TSC2: variants seen among roughly 807,000 people sequenced by gnomAD.
TSC2 encodes tuberin.
Under a neutral mutation model 202.2 loss-of-function variants are expected in TSC2, and 29 were observed. That is an observed-to-expected ratio of 0.14 (90% confidence interval 0.11 to 0.20). The LOEUF is 0.20. Ranked by LOEUF, TSC2 falls within the 10% of genes least tolerant of loss-of-function variation. The pLI is 1.00. For synonymous variants in TSC2, 1,349 were observed against 1,044.0 expected, an observed-to-expected ratio of 1.29 and a Z score of -5.63; for missense variants, 2,429 against 2,420.0, an observed-to-expected ratio of 1.00 and a Z score of -0.08.
In TSC2 at chr16:2,077,727, G is replaced by A. The variant is rs2089600815; in HGVS notation, c.2966+1G>A. On this transcript the variant is annotated splice_donor_variant, in intron 26 of 41. Transcript: ENST00000219476. LOFTEE classifies it high-confidence loss of function. ...GTGTGTCTGAACATGTGGTCCGCAG[G>A]TAGCGGGACTGTCGGGTGGGGGGCA... The A allele has an allele frequency of 1.9e-6, 3 of 1,612,508 alleles. No individual in the cohort carries two copies. The highest frequency in any genetic ancestry group is 2.5e-6 in the Non-Finnish European group (3 of 1,180,014).
chr16:2,075,989 G>T, intron 23 of TSC2, 79 bp from the exon 24 acceptor site: 1 of 1,612,114 alleles, frequency 6.2e-7, no homozygotes, highest in Non-Finnish European at 8.5e-7. Context: ...AGGCCTGAGC[G>T]CCTCGGTTTT....
chr16:2,087,322 G>T, intron 38 of TSC2: 1 of 335,884 alleles, frequency 3.0e-6, no homozygotes, highest in Non-Finnish European at 5.8e-6. Context: ...ATGGCGGGGA[G>T]AGCTGGCATG....
At chr16:2,062,809 G>A (rs1290273403) in intron 13 of TSC2, 163 bp from the exon 14 acceptor site, 3 of 939,698 alleles carry the variant, frequency 3.2e-6, no homozygotes, top group Non-Finnish European at 4.9e-6. Context: ...CCCTCTTTTC[G>A]GGGGTCGTCT....
intron 20 of TSC2, 63 bp downstream of exon 20, chr16:2,072,426 G>A (rs1330363533): frequency 4.3e-5 from 69 of 1,605,828 alleles, no homozygotes; most frequent in South Asian, 1.7e-4. Context: ...AAAAGACTGC[G>A]AGCCTCTGGG....
intron 5 of TSC2, 186 bp from the exon 6 acceptor site, chr16:2,055,216 C>T (rs985720445): frequency 1.3e-5 from 9 of 672,384 alleles, no homozygotes; most frequent in East Asian, 5.4e-5. Flanking sequence ...CGTGCGTAGC[C>T]GGCCTGCCCT....
chr16:2,062,807 T>G, intron 13 of TSC2, 165 bp from the exon 14 acceptor site: 3 of 931,458 alleles, frequency 3.2e-6, no homozygotes, highest in Non-Finnish European at 4.9e-6. Context: ...CTCCCTCTTT[T>G]CGGGGGTCGT....
intron 34 of TSC2, 74 bp downstream of exon 34, chr16:2,084,789 C>G (rs1369390996): frequency 3.1e-6 from 5 of 1,598,452 alleles, no homozygotes; most frequent in African/African-American, 2.7e-5. Flanking sequence ...TGCCCCAGGC[C>G]GAGCGGGCTG....
At chr16:2,063,193 G>C in intron 14 of TSC2, 140 bp downstream of exon 14, 1 of 1,070,822 alleles carries the variant, frequency 9.3e-7, no homozygotes, top group East Asian at 2.6e-5. Flanking sequence ...CCCCCAGCGT[G>C]GTCTGTTTAC....
intron 7 of TSC2, among the ~76,000 whole-genome samples, 168 bp from the exon 8 acceptor site, chr16:2,056,476 C>T (rs1290255618): frequency 2.6e-5 from 4 of 152,248 alleles, no homozygotes; most frequent in African/African-American, 9.6e-5. Flanking sequence ...ACAGGGACGT[C>T]AGGTGCTTCC....
At chr16:2,048,144 G>A (rs1381360246) in intron 1 of TSC2, 79 bp downstream of exon 1, 4 of 1,527,574 alleles carry the variant, frequency 2.6e-6, no homozygotes, top group Middle Eastern at 3.6e-4. Flanking sequence ...CAGTGTCCGG[G>A]TCCCGGGCCC....
At chr16:2,064,830 A>G (rs1313588314) in intron 15 of TSC2, 9 of 314,914 alleles carry the variant, frequency 2.9e-5, no homozygotes, top group Non-Finnish European at 5.6e-5. Context: ...AATAAAGATG[A>G]AGGCCGGGCA....
At chr16:2,052,508 C>T (rs947525122) in intron 3 of TSC2, among the ~76,000 whole-genome samples, 10 of 152,170 alleles carry the variant, frequency 6.6e-5, no homozygotes, top group African/African-American at 2.4e-4. Flanking sequence ...CAGGGTCTCA[C>T]TGTGTTGCCC....
chr16:2,054,535 T>A, intron 5 of TSC2, 95 bp downstream of exon 5: 9 of 1,577,814 alleles, frequency 5.7e-6, no homozygotes, highest in Non-Finnish European at 7.8e-6. Context: ...GCTGCCGTTC[T>A]CAGGGATGGC....
Position 2,088,725 on chromosome 16 carries a change from TTTTATTGAC to T in TSC2, c.*119_*127del. 1.4e-6 allele frequency: 2 copies of T among 1,382,298 alleles called. No homozygotes were observed. The highest frequency in any genetic ancestry group is 2.0e-6 in the Non-Finnish European group (2 of 1,020,820). 85.6% of individuals were successfully genotyped at this position (1,382,298 alleles called of 1,614,324 possible). A position where few individuals can be genotyped will look rare whatever the true frequency, so the allele number is the denominator to read the frequency against. ...GGCACAGATTGCAGTCAGACAGCTC[TTTTATTGAC>T]TTTGTCTGCTTGGTGCGGGGGTTGG... On this transcript the variant is annotated 3_prime_UTR_variant, in exon 42 of 42. Coordinates refer to ENST00000219476, the MANE Select transcript of TSC2 (RefSeq NM_000548.5).
rs1057520843 is a variant in TSC2 at position 2,084,387 on chromosome 16, C to T, written c.4165C>T (p.Pro1389Ser). The T allele has an allele frequency of 6.2e-7, 1 of 1,612,374 alleles. No homozygotes were observed. The highest frequency in any genetic ancestry group is 1.7e-5 in the Admixed American group (1 of 60,012). ...SQPLSKSSSSPELQTLQDILG... is the reference protein window; with the variant it reads ...SQPLSKSSSSSELQTLQDILG... ...GCCCCTGAGCAAGTCCAGCTCCTCT[C>T]CCGAGCTGCAGACTCTGCAGGACAT... Residue 1389 changes from proline to serine, a missense_variant, in exon 34 of 42, where the codon CCC (proline) becomes TCC (serine). Transcript: ENST00000219476.
intron 7 of TSC2, 62 bp downstream of exon 7, chr16:2,056,306 TG>T: frequency 6.2e-7 from 1 of 1,605,806 alleles, no homozygotes. Flanking sequence ...GGCTGGGGCT[TG>T]GGGGTTGAGC....
chr16:2,053,719 G>A (rs1279078708), intron 4 of TSC2: 21 of 614,712 alleles, frequency 3.4e-5, no homozygotes, highest in East Asian at 2.0e-4. Context: ...GGCAGTTCTC[G>A]CAGAGTGCTG....
At chr16:2,062,849 T>C in intron 13 of TSC2, 123 bp from the exon 14 acceptor site, 1 of 1,127,138 alleles carries the variant, frequency 8.9e-7, no homozygotes, top group East Asian at 2.6e-5. Context: ...AGCAGAGCTC[T>C]GTGCCCTGTG....
At chr16:2,072,797 C>T (rs537791451) in intron 20 of TSC2, 52 bp from the exon 21 acceptor site, 2 of 1,612,378 alleles carry the variant, frequency 1.2e-6, no homozygotes, top group South Asian at 1.1e-5. Context: ...CCTCTGGCTA[C>T]CCCGTGACCT....
Sources: gnomAD v4.1 joint callset for allele counts (sites outside exome capture counted in the v4.1 genomes callset) on GRCh38, gnomAD v4.1.1 for gene constraint, MANE v1.5 for transcripts, NCBI Gene and HGNC (gene_info 2026-07-23, HGNC 2026-07-21) for gene names.